Variants in DLG5 observed in about 807,000 individuals in gnomAD.
DLG5 encodes disks large homolog 5.
A neutral mutation model predicts 189.8 loss-of-function variants in DLG5; 48 were observed. That is an observed-to-expected ratio of 0.25 (90% CI 0.20 to 0.32). DLG5 has a LOEUF of 0.32. Among genes scored for constraint, DLG5 ranks in the 10% least tolerant of loss-of-function variants. The probability of loss-of-function intolerance (pLI) is 1.00; values close to 1 mark genes in which losing one functional copy is unlikely to be tolerated. For missense variants in DLG5, 2,160 were observed against 2,544.7 expected (o/e 0.85, Z 3.25); for synonymous variants, 1,016 against 1,054.1 (o/e 0.96, Z 0.70).
At chr10:77,807,614 G>C (rs576465923) in intron 25 of DLG5, among the ~76,000 whole-genome samples, 182 bp downstream of exon 25, 4 of 152,276 alleles carry the variant, frequency 2.6e-5, no homozygotes, top group South Asian at 2.1e-4. Context: ...AGCCCTAAAG[G>C]GTTGTTCTAA....
intron 1 of DLG5, among the ~76,000 whole-genome samples, chr10:77,909,105 G>C (rs538574643): frequency 2.0e-4 from 31 of 152,330 alleles, no homozygotes; most frequent in Admixed American, 9.2e-4. Flanking sequence ...CTGGTAAAGA[G>C]TAGTGACCAG....
rs762788091 is a variant in DLG5 at position 77,794,017 on chromosome 10, A to G, written c.5647T>C (p.Tyr1883His). Residue 1883 changes from tyrosine to histidine, a missense_variant, in exon 31 of 32, where the codon TAC (tyrosine) becomes CAC (histidine). By Grantham distance (83) the Tyr-to-His change is moderately conservative (BLOSUM62 2). Coordinates refer to ENST00000372391, the MANE Select transcript of DLG5 (RefSeq NM_004747.4). ...AQKLEQEYSR[Y>H]FTGVIQGGAL... ...GCCCACGCACACCTACCTGTGAAGT[A>G]CCTGCTGTACTCCTGCTCAAGCTTC... 3 of 1,613,996 alleles carry G rather than the reference A, an allele frequency of 1.9e-6. No individual in the cohort carries two copies. The highest frequency in any genetic ancestry group is 1.1e-5 in the South Asian group (1 of 91,076).
intron 27 of DLG5, among the ~76,000 whole-genome samples, chr10:77,801,414 GAAA>G (rs1184299107): frequency 7.2e-6 from 1 of 138,776 alleles, no homozygotes; most frequent in Non-Finnish European, 1.6e-5. Flanking sequence ...TGGAGAGAAA[GAAA>G]GAAGTGGAAA....
At chr10:77,894,527 T>C (rs1035708768) in intron 1 of DLG5, among the ~76,000 whole-genome samples, 2 of 149,194 alleles carry the variant, frequency 1.3e-5, no homozygotes, top group African/African-American at 4.9e-5. Flanking sequence ...TGCTTTATTG[T>C]CAGCAAAGAA....
intron 27 of DLG5, among the ~76,000 whole-genome samples, chr10:77,798,189 T>C (rs951125290): frequency 2.0e-5 from 3 of 152,098 alleles, no homozygotes; most frequent in Non-Finnish European, 4.4e-5. Flanking sequence ...TAGATCTCAA[T>C]AAAAATAAAT....
intron 2 of DLG5, among the ~76,000 whole-genome samples, chr10:77,864,392 G>A (rs1016718014): frequency 2.0e-5 from 3 of 152,082 alleles, no homozygotes; most frequent in East Asian, 1.9e-4. Flanking sequence ...AGAGCACCAC[G>A]TCATCCTCAC....
At chr10:77,895,173 C>G (rs1388548177) in intron 1 of DLG5, among the ~76,000 whole-genome samples, 1 of 152,172 alleles carries the variant, frequency 6.6e-6, no homozygotes, top group African/African-American at 2.4e-5. Flanking sequence ...CTGACAGACC[C>G]TCACCCGCAG....
chr10:77,879,339 G>A (rs1845203436), intron 1 of DLG5, among the ~76,000 whole-genome samples: 1 of 152,160 alleles, frequency 6.6e-6, no homozygotes, highest in Non-Finnish European at 1.5e-5. Flanking sequence ...TGAGGTCACA[G>A]GGGCAATAGG....
intron 1 of DLG5, among the ~76,000 whole-genome samples, chr10:77,900,271 C>A (rs1424563468): frequency 6.6e-6 from 1 of 152,150 alleles, no homozygotes; most frequent in African/African-American, 2.4e-5. Context: ...TCCAGGTCAT[C>A]TCCTGCAACC....
chr10:77,896,866 G>A (rs1038446857), intron 1 of DLG5, among the ~76,000 whole-genome samples: 8 of 151,726 alleles, frequency 5.3e-5, no homozygotes, highest in Non-Finnish European at 1.0e-4. Context: ...GGTGAGTCTC[G>A]GTGACGACTA....
In DLG5 at chr10:77,819,993, C is replaced by T; in HGVS notation, c.3428G>A (p.Gly1143Glu). Reference sequence around the variant, plus strand: ...CTCCTGGAGCTCCGGGGAGAGTTCTCCACTGGCCGGGACACACTTCTGTTC... The same window carrying T: ...CTCCTGGAGCTCCGGGGAGAGTTCTTCACTGGCCGGGACACACTTCTGTTC... ...LEEQKCVPAS[G>E]ELSPELQEWA... is the part of the protein sequence containing the mutation. Residue 1143 changes from glycine to glutamate, a missense_variant, in exon 16 of 32, where the codon GGA becomes GAA. By Grantham distance (98) the Gly-to-Glu change is moderately conservative. Around this residue, in one of 5 missense-constraint regions of DLG5, gnomAD observed 754 missense variants for 746.5 expected, o/e 1.01. Coordinates refer to ENST00000372391, the MANE Select transcript of DLG5 (RefSeq NM_004747.4). The T allele has an allele frequency of 6.2e-7, 1 of 1,613,474 alleles. No individual in the cohort carries two copies. The highest frequency in any genetic ancestry group is 8.5e-7 in the Non-Finnish European group (1 of 1,179,904).
chr10:77,829,503 G>A lies in DLG5; in HGVS notation c.2037C>T (p.Asn679=), dbSNP rs1292665130. 2.4e-5 allele frequency: 39 copies of A among 1,611,364 alleles called. No individual in the cohort carries two copies. The highest frequency in any genetic ancestry group is 2.7e-5 in the Non-Finnish European group (32 of 1,178,404). Residue 679 remains asparagine, a synonymous_variant, in exon 12 of 32, where the codon AAC becomes AAT. Coordinates refer to ENST00000372391, the MANE Select transcript of DLG5 (RefSeq NM_004747.4). ...TGTCCTTGTTGATGAGGTCCACATC[G>A]TTGATTCTCAGCAGCCAGTCATTGA... is the stretch of plus-strand genomic sequence containing the variant. ...LRVNDWLLRI[N]DVDLINKDKK...
chr10:77,819,919 G>A lies in DLG5; in HGVS notation c.3502C>T (p.Leu1168=). 6.3e-7 allele frequency: 1 copy of A among 1,599,998 alleles called. No homozygotes were observed. The highest frequency in any genetic ancestry group is 8.5e-7 in the Non-Finnish European group (1 of 1,173,466). Residue 1168 remains leucine, a synonymous_variant, in exon 16 of 32, where the codon CTA becomes TTA. Transcript: ENST00000372391. ...CCCACAGACGGCCTGCTAGGGTATA[G>A]CGGGGGGTTGCTGTGCCGGCTGGAA... ...GHSSRHSNPP[L]YPSRPSVGTV...
At position 77,821,973 on chromosome 10, in the gene DLG5, C is replaced by T; in HGVS notation, c.2511G>A (p.Gln837=). Residue 837 remains glutamine, a synonymous_variant, in exon 15 of 32, where the codon CAG becomes CAA. Transcript: ENST00000372391. The stretch of plus-strand genomic sequence containing the variant: ...TGTCTGTCTGCGTGGAGTTATTGTG[C>T]TGTATCAAGTTCCGTTTGTTATGAG... ...VQAHNKRNLI[Q]HNNSTQTDIF... is the part of the protein sequence containing the mutation. The T allele has an allele frequency of 6.2e-7, 1 of 1,614,256 alleles. No individual in the cohort carries two copies. The highest frequency in any genetic ancestry group is 2.2e-5 in the East Asian group (1 of 44,876).
chr10:77,815,044 C>T (rs1251448289), intron 20 of DLG5, among the ~76,000 whole-genome samples: 1 of 152,092 alleles, frequency 6.6e-6, no homozygotes. Flanking sequence ...CATTTTTCTC[C>T]CTCCTGGAGC....
intron 1 of DLG5, among the ~76,000 whole-genome samples, chr10:77,894,439 GT>G (rs1380407364): frequency 1.3e-5 from 2 of 150,706 alleles, no homozygotes; most frequent in South Asian, 4.2e-4. Flanking sequence ...CCAGCACAAT[GT>G]TAATAGGGTT....
At chr10:77,876,393 GAA>G (rs1845090616) in intron 1 of DLG5, among the ~76,000 whole-genome samples, 1 of 101,340 alleles carries the variant, frequency 9.9e-6, no homozygotes, top group African/African-American at 3.9e-5. Flanking sequence ...TTTTTTTTTT[GAA>G]AGAGAGTCTC....
Position 77,829,008 on chromosome 10 carries a change from G to A in DLG5, c.2186-23C>T, listed in dbSNP as rs1842778500. 3 of 1,611,624 alleles carry A rather than the reference G, an allele frequency of 1.9e-6. No individual in the cohort carries two copies. The South Asian group carries it at 3.3e-5, about 18-fold the overall frequency. ...TGTCTGCAAGCCACAGGAGGTCACT[G>A]GGTAGCCCCTGGCCTCGCTGCCCAG... On this transcript the variant is annotated intron_variant, in intron 12 of 31. Transcript: ENST00000372391.
At chr10:77,798,158 G>A (rs1035556706) in intron 27 of DLG5, among the ~76,000 whole-genome samples, 1 of 152,176 alleles carries the variant, frequency 6.6e-6, no homozygotes, top group Non-Finnish European at 1.5e-5. Context: ...CTGTACTCCA[G>A]CCTGGGCAAC....
Sources: gnomAD v4.1 joint callset for allele counts (sites outside exome capture counted in the v4.1 genomes callset) on GRCh38, gnomAD v4.1.1 for gene constraint, gnomAD v4.1.1 regional missense constraint, MANE v1.5 for transcripts, NCBI Gene and HGNC (gene_info 2026-07-23, HGNC 2026-07-21) for gene names.